The following C11orf21 variants were observed in gnomAD, a reference collection of about 807,000 sequenced individuals.
C11orf21 encodes chromosome 11 open reading frame 21, also known as uncharacterized protein C11orf21.
In C11orf21, 19 loss-of-function variants were observed where a neutral mutation model predicts 15.2. That is an observed-to-expected ratio of 1.25 (90% CI 0.87 to 1.84). C11orf21 has a LOEUF of 1.84. C11orf21 is among the 40% of genes most tolerant of loss of function. The probability of loss-of-function intolerance (pLI) is 0.00; values close to 1 mark genes in which losing one functional copy is unlikely to be tolerated. For synonymous variants in C11orf21, 62 were observed against 66.8 expected (o/e 0.93, Z 0.35); for missense variants, 171 against 174.4 (o/e 0.98, Z 0.11).
At chr11:2,298,894 G>T (rs1299302381) in intron 3 of C11orf21, among the ~76,000 whole-genome samples, 2 of 152,094 alleles carry the variant, frequency 1.3e-5, no homozygotes, top group South Asian at 2.1e-4. Context: ...GGCTCCTTGG[G>T]GGGGGAAGCA....
chr11:2,299,485 C>A lies in C11orf21; in HGVS notation c.370G>T (p.Ala124Ser). The change falls in exon 3 of 4, where the codon GCC (alanine) becomes TCC (serine). Residue 124 changes from alanine (A) to serine (S), a missense_variant. Transcript: ENST00000381153. ...GAAGGTAGAGGCTGCCACCTCCTGG[C>A]CCGAGGACACAGCTTTCCAGAGGAG... Reference protein sequence around the residue: ...GPSSGKLCPRARRWQPLPS With the variant: ...GPSSGKLCPRSRRWQPLPS 1 of 1,550,338 alleles carries A rather than the reference C, an allele frequency of 6.5e-7. No individual in the cohort carries two copies.
chr11:2,300,157 G>GGGGTGTGTGGGGT (rs2133270310), intron 2 of C11orf21, among the ~76,000 whole-genome samples: 2 of 61,064 alleles, frequency 3.3e-5, no homozygotes, highest in Admixed American at 1.4e-4. Context: ...GGGGTGGGCA[G>GGGGTGTGTGGGGT]GGGCATGTGG....
upstream of C11orf21, chr11:2,302,834 C>T (rs764606831): frequency 2.5e-6 from 4 of 1,611,454 alleles, no homozygotes; most frequent in Admixed American, 5.0e-5. Context: ...TGAGTCTGCC[C>T]TATCCACAGC....
intron 3 of C11orf21, among the ~76,000 whole-genome samples, chr11:2,298,634 C>A (rs1847589188): frequency 6.6e-6 from 1 of 152,180 alleles, no homozygotes; most frequent in African/African-American, 2.4e-5. Flanking sequence ...CACTCCTCCA[C>A]CCCCACGGGG....
Position 2,300,503 on chromosome 11 carries a change from G to C in C11orf21, c.147+17C>G, listed in dbSNP as rs771883834. 6.6e-7 allele frequency: 1 copy of C among 1,509,784 alleles called. No homozygotes were observed. Among genetic ancestry groups the C allele is most frequent in the Non-Finnish European group, 8.9e-7 (1 of 1,120,600 alleles). 93.5% of individuals were successfully genotyped at this position (1,509,784 alleles called of 1,614,324 possible). ...GCCCCCGCTGGTGGGGCACAGTGAG[G>C]GGGGCTGTGGTCAGACCTGGTCTCT... On this transcript the variant is annotated intron_variant, in intron 2 of 3. Coordinates refer to ENST00000381153, the MANE Select transcript of C11orf21 (RefSeq NM_001329958.2).
rs1205783681 is a variant in C11orf21 at position 2,300,586 on chromosome 11, T to A, written c.81A>T (p.Ser27=). The part of the protein sequence containing the change: ...RSAVPRWPHL[S]SQSGVEPPDR... Reference sequence around the variant, plus strand: ...CAGGGGGTTCGACGCCACTTTGAGATGACAAGTGAGGCCACCTGGGCACAG... The same window carrying A: ...CAGGGGGTTCGACGCCACTTTGAGAAGACAAGTGAGGCCACCTGGGCACAG... The change falls in exon 2 of 4, where the codon TCA becomes TCT. Residue 27 remains serine, a synonymous_variant. Coordinates refer to ENST00000381153, the MANE Select transcript of C11orf21 (RefSeq NM_001329958.2). 1.3e-6 allele frequency: 2 copies of A among 1,550,104 alleles called. No homozygotes were observed. Among genetic ancestry groups the A allele is most frequent in the South Asian group, 2.4e-5 (2 of 84,054 alleles).
chr11:2,300,741 G>A, intron 1 of C11orf21, 128 bp from the exon 2 acceptor site: 1 of 1,550,958 alleles, frequency 6.4e-7, no homozygotes, highest in Non-Finnish European at 8.7e-7. Flanking sequence ...ACCAGCTCCA[G>A]GGAGGTCAAG....
At chr11:2,300,318 T>G (rs1326276991) in intron 2 of C11orf21, among the ~76,000 whole-genome samples, 2 of 9,198 alleles carry the variant, frequency 2.2e-4, no homozygotes, top group East Asian at 7.6e-3. Flanking sequence ...GGCAGCGGTG[T>G]GCGGGGTGGG....
upstream of C11orf21, chr11:2,303,140 T>C: frequency 1.7e-6 from 1 of 588,200 alleles, no homozygotes; most frequent in African/African-American, 1.9e-5. Flanking sequence ...GCCTCGGGTC[T>C]GGGTGACAGC....
intron 1 of C11orf21, chr11:2,301,412 C>T (rs1446582315): frequency 5.7e-5 from 13 of 228,948 alleles, no homozygotes; most frequent in Non-Finnish European, 9.6e-5. Context: ...GTACTGGGGC[C>T]GCAGCGCTGC....
At chr11:2,298,735 GA>G (rs1685833232) in intron 3 of C11orf21, among the ~76,000 whole-genome samples, 1 of 152,192 alleles carries the variant, frequency 6.6e-6, no homozygotes, top group African/African-American at 2.4e-5. Context: ...GCACAGCGTG[GA>G]TGTGGATAGA....
chr11:2,300,834 G>C, intron 1 of C11orf21: 3 of 1,478,734 alleles, frequency 2.0e-6, no homozygotes, highest in South Asian at 2.4e-5. Context: ...CTGCCCACTT[G>C]CACAGCCCGG....
At chr11:2,302,241 G>C (rs1847792928), upstream of C11orf21, 6 of 1,387,614 alleles carry the variant, frequency 4.3e-6, no homozygotes, top group Non-Finnish European at 5.6e-6. Flanking sequence ...GGCAGGAGTG[G>C]GTGGTGGGTG....
At position 2,299,716 on chromosome 11, in the gene C11orf21, T is replaced by C. The variant is rs1847629992; in HGVS notation, c.148-9A>G. 3 of 1,550,468 alleles carry C rather than the reference T, an allele frequency of 1.9e-6. No individual in the cohort carries two copies. The highest frequency in any genetic ancestry group is 2.6e-6 in the Non-Finnish European group (3 of 1,146,828). On this transcript the variant is annotated splice_polypyrimidine_tract_variant and intron_variant, in intron 2 of 3. Transcript: ENST00000381153. ...ATTGAGCCAGGGGCCTCCTGGTGGG[T>C]AAGGACATTGTAGAGTGAGCGGGCG...
At chr11:2,301,445 G>T (rs544120823) in intron 1 of C11orf21, 10 of 283,972 alleles carry the variant, frequency 3.5e-5, no homozygotes, top group Non-Finnish European at 6.7e-5. Flanking sequence ...GTAATTACAC[G>T]GCTCGGTGTA....
chr11:2,300,963 C>A, intron 1 of C11orf21: 3 of 606,624 alleles, frequency 4.9e-6, no homozygotes, highest in Non-Finnish European at 8.9e-6. Context: ...GGGTGCCAGG[C>A]ATCTGAGGTC....
At chr11:2,301,300 T>C in intron 1 of C11orf21, 1 of 196,672 alleles carries the variant, frequency 5.1e-6, no homozygotes. Flanking sequence ...CTGTTAGCAC[T>C]CCTGGGAGGG....
At chr11:2,299,172 G>A (rs969623811) in intron 3 of C11orf21, among the ~76,000 whole-genome samples, 2 of 152,204 alleles carry the variant, frequency 1.3e-5, no homozygotes, top group African/African-American at 2.4e-5. Context: ...TCCAGAAGGG[G>A]AGCTGCCCTC....
At chr11:2,298,646 G>A (rs1847589950) in intron 3 of C11orf21, among the ~76,000 whole-genome samples, 1 of 152,172 alleles carries the variant, frequency 6.6e-6, no homozygotes, top group Admixed American at 6.5e-5. Context: ...CCCACGGGGT[G>A]CCGAGTCTCA....
Sources: allele counts gnomAD v4.1 joint callset (sites outside exome capture counted in the v4.1 genomes callset), GRCh38; gene constraint gnomAD v4.1.1; transcripts MANE v1.5; gene names NCBI Gene and HGNC (gene_info 2026-07-23, HGNC 2026-07-21).